DCAF8L2: variants seen among roughly 807,000 people sequenced by gnomAD.
DCAF8L2 encodes the protein DDB1 and CUL4 associated factor 8 like 2, also known as DDB1- and CUL4-associated factor 8-like protein 2.
For missense variants in DCAF8L2, 430 were observed against 490.7 expected (o/e 0.88, Z 1.17); for synonymous variants, 200 against 190.9 (o/e 1.05, Z -0.39).
At chrX:27,472,152 C>T in the DCAF8L2 span, among the ~76,000 whole-genome samples, 3 of 111,321 alleles carry the variant, frequency 2.7e-5, no homozygotes, top group Non-Finnish European at 5.7e-5. Flanking sequence ...ATTCTCTTTC[C>T]CTTCTCTTTA....
At chrX:27,502,335 A>AAAAAAAATAT in the DCAF8L2 span, among the ~76,000 whole-genome samples, 12 of 12,712 alleles carry the variant, frequency 9.4e-4, no homozygotes, top group Non-Finnish European at 1.7e-3. Context: ...AAAAAAAAAA[A>AAAAAAAATAT]ATATATATAT....
At chrX:27,567,590 AAC>A in the DCAF8L2 span, among the ~76,000 whole-genome samples, 3 of 64,878 alleles carry the variant, frequency 4.6e-5, no homozygotes, top group Non-Finnish European at 9.0e-5. Flanking sequence ...TATATATGAA[AAC>A]AGTGTCAAAG....
At chrX:27,591,974 C>T (rs1351482182) in intron 1 of DCAF8L2, among the ~76,000 whole-genome samples, 3 of 112,743 alleles carry the variant, frequency 2.7e-5, no homozygotes, top group African/African-American at 9.7e-5. Context: ...GTCCATCCTG[C>T]CATCGCTGCT....
intron 4 of DCAF8L2, among the ~76,000 whole-genome samples, chrX:27,738,351 C>G (rs1921654002): frequency 9.0e-6 from 1 of 111,587 alleles, no homozygotes; most frequent in Admixed American, 9.5e-5. Flanking sequence ...TACTTGCAGG[C>G]CTAGTTGAAC....
intron 2 of DCAF8L2, among the ~76,000 whole-genome samples, chrX:27,641,259 C>T (rs942627556): frequency 9.0e-6 from 1 of 111,122 alleles, no homozygotes; most frequent in African/African-American, 3.3e-5. Context: ...AATTGCACAT[C>T]TACTGGTGAT....
At chrX:27,545,026 G>T in the DCAF8L2 span, among the ~76,000 whole-genome samples, 407 of 112,161 alleles carry the variant, frequency 3.6e-3, 3 homozygotes, top group African/African-American at 0.012. Context: ...TAAAATCTCT[G>T]TCTCAGCACA....
At chrX:27,743,260 T>C (rs951385254) in intron 4 of DCAF8L2, among the ~76,000 whole-genome samples, 7 of 110,377 alleles carry the variant, frequency 6.3e-5, no homozygotes, top group African/African-American at 2.3e-4. Flanking sequence ...ACTAATTCTT[T>C]TGAAAGGTTC....
the DCAF8L2 span, among the ~76,000 whole-genome samples, chrX:27,565,413 T>A: frequency 9.0e-6 from 1 of 111,705 alleles, no homozygotes; most frequent in Non-Finnish European, 1.9e-5. Context: ...TTCCATGTGG[T>A]CATGGTGTAT....
At chrX:27,524,049 G>A in the DCAF8L2 span, among the ~76,000 whole-genome samples, 2 of 112,013 alleles carry the variant, frequency 1.8e-5, no homozygotes, top group African/African-American at 6.5e-5. Context: ...CTCATTAAAT[G>A]AGTTAGGGAG....
intron 4 of DCAF8L2, among the ~76,000 whole-genome samples, chrX:27,717,939 G>A (rs376751444): frequency 1.1e-4 from 12 of 111,321 alleles, no homozygotes; most frequent in East Asian, 2.8e-4. Flanking sequence ...TTTTTATTCC[G>A]TTGAATTGCC....
the DCAF8L2 span, among the ~76,000 whole-genome samples, chrX:27,489,234 A>G: frequency 1.8e-5 from 2 of 111,044 alleles, no homozygotes; most frequent in Non-Finnish European, 3.8e-5. Flanking sequence ...AGTAGCTGGG[A>G]CTACAGGCGC....
intron 3 of DCAF8L2, among the ~76,000 whole-genome samples, chrX:27,713,933 A>G (rs368071399): frequency 9.0e-6 from 1 of 111,730 alleles, no homozygotes; most frequent in African/African-American, 3.2e-5. Flanking sequence ...ATATACAAGT[A>G]TAGAGATTAT....
intron 3 of DCAF8L2, among the ~76,000 whole-genome samples, chrX:27,681,296 G>T (rs1930319247): frequency 9.0e-6 from 1 of 111,218 alleles, no homozygotes; most frequent in Admixed American, 9.6e-5. Flanking sequence ...GTAGAAAGAG[G>T]GTAAAGTGGT....
chrX:27,692,817 TCTA>T (rs1219374401), intron 3 of DCAF8L2, among the ~76,000 whole-genome samples: 1 of 110,959 alleles, frequency 9.0e-6, no homozygotes, highest in Admixed American at 9.7e-5. Flanking sequence ...GAGAAGGAGT[TCTA>T]CTACCATTTA....
rs887185465 is a variant in DCAF8L2 at position 27,673,468 on chromosome X, A to G, written c.-219-4368A>G. 8.1e-5 allele frequency among the ~76,000 whole-genome samples: 8 copies of G among 99,065 alleles called. No homozygotes were observed. In the East Asian group the frequency reaches 2.5e-3, roughly 31 times the overall value. 86.0% of individuals were successfully genotyped at this position (99,065 alleles called of 115,157 possible). A position where few individuals can be genotyped will look rare whatever the true frequency, so the allele number is the denominator to read the frequency against. On this transcript the variant is annotated intron_variant, in intron 2 of 4. Coordinates refer to ENST00000451261, the MANE Select transcript of DCAF8L2 (RefSeq NM_001353450.2). Reference sequence around the variant, plus strand: ...GGTTACAGTGAGCCGAGATAGTGCCACTGCACTCCAGCCTGGGTGACAGAG... The same window carrying G: ...GGTTACAGTGAGCCGAGATAGTGCCGCTGCACTCCAGCCTGGGTGACAGAG...
At chrX:27,528,537 T>C in the DCAF8L2 span, among the ~76,000 whole-genome samples, 1 of 106,374 alleles carries the variant, frequency 9.4e-6, no homozygotes, top group African/African-American at 3.4e-5. Flanking sequence ...TGTTTATGTA[T>C]ATGTACAAGT....
At chrX:27,542,261 T>C in the DCAF8L2 span, among the ~76,000 whole-genome samples, 1 of 111,618 alleles carries the variant, frequency 9.0e-6, no homozygotes, top group Non-Finnish European at 1.9e-5. Flanking sequence ...TTTTAAGTTC[T>C]TTGAGAAATC....
the DCAF8L2 span, among the ~76,000 whole-genome samples, chrX:27,539,046 G>T: frequency 4.5e-5 from 5 of 110,902 alleles, no homozygotes; most frequent in African/African-American, 1.6e-4. Flanking sequence ...ATAAAGTCTT[G>T]CTTTGTTGCC....
At chrX:27,559,716 C>G in the DCAF8L2 span, among the ~76,000 whole-genome samples, 1 of 111,321 alleles carries the variant, frequency 9.0e-6, no homozygotes, top group Non-Finnish European at 1.9e-5. Flanking sequence ...TCAGGTAGGT[C>G]ACTGTCTACT....
Sources: allele counts gnomAD v4.1 joint callset (sites outside exome capture counted in the v4.1 genomes callset), GRCh38; gene constraint gnomAD v4.1.1; transcripts MANE v1.5; gene names NCBI Gene and HGNC (gene_info 2026-07-23, HGNC 2026-07-21).